The following PCDHA6 variants were observed in gnomAD, a reference collection of about 807,000 sequenced individuals.
PCDHA6 encodes protocadherin alpha-6.
In PCDHA6, 55 loss-of-function variants were observed where a neutral mutation model predicts 60.3. The ratio of observed to expected loss-of-function variants is 0.91; its 90% CI spans 0.73 to 1.14. The LOEUF is 1.14. Among genes scored for constraint, PCDHA6 ranks in the 50% most tolerant of loss-of-function variants. The probability of loss-of-function intolerance (pLI) is 0.00; values close to 1 mark genes in which losing one functional copy is unlikely to be tolerated. For synonymous variants in PCDHA6, 652 were observed against 557.9 expected (o/e 1.17, Z -2.38); for missense variants, 1,327 against 1,256.5 (o/e 1.06, Z -0.85).
At chr5:140,868,949 G>A (rs2050751465) in intron 1 of PCDHA6, 1 of 1,302,330 alleles carries the variant, frequency 7.7e-7, no homozygotes, top group Non-Finnish European at 1.0e-6. Context: ...GAACAGTGAG[G>A]CACTCCCATA....
chr5:140,968,057 C>G, intron 1 of PCDHA6: 1 of 1,614,110 alleles, frequency 6.2e-7, no homozygotes, highest in African/African-American at 1.3e-5. Flanking sequence ...GGACCGAGAG[C>G]GGGTGGCTGT....
chr5:140,996,630 A>G (rs765477034), intron 3 of PCDHA6, among the ~76,000 whole-genome samples: 10 of 152,210 alleles, frequency 6.6e-5, no homozygotes, highest in Non-Finnish European at 1.5e-4. Flanking sequence ...TGGTTCCTGC[A>G]AATTATGTAG....
At chr5:140,853,249 A>G in intron 1 of PCDHA6, 1 of 975,702 alleles carries the variant, frequency 1.0e-6, no homozygotes, top group Non-Finnish European at 1.2e-6. Flanking sequence ...ATTAATCTCT[A>G]TTCTCTCTCA....
intron 1 of PCDHA6, chr5:140,841,298 T>C (rs1554138068): frequency 6.4e-7 from 1 of 1,567,044 alleles, no homozygotes; most frequent in Admixed American, 2.0e-5. Flanking sequence ...GATAATATTT[T>C]CTGATAGGAA....
intron 1 of PCDHA6, among the ~76,000 whole-genome samples, chr5:140,965,255 G>C (rs1426270395): frequency 1.3e-5 from 2 of 152,196 alleles, no homozygotes; most frequent in Non-Finnish European, 2.9e-5. Context: ...ATTCAGAACT[G>C]AGCAGCAGAG....
Position 140,828,322 on chromosome 5 carries a change from A to T in PCDHA6, c.231A>T (p.Val77=). The change falls in exon 1 of 4, where the codon GTA becomes GTT. Residue 77 remains valine (V), a synonymous_variant. Coordinates refer to ENST00000529310, the MANE Select transcript of PCDHA6 (RefSeq NM_018909.4). ...ASKDREDLLE[V]NLQNGILFVN... is the part of the protein sequence containing the mutation. ...AAGACCGCGAGGACCTTCTGGAGGTAAATCTGCAGAATGGCATTTTGTTTG... is the reference window on the plus strand; with the variant it reads ...AAGACCGCGAGGACCTTCTGGAGGTTAATCTGCAGAATGGCATTTTGTTTG... The T allele has an allele frequency of 6.2e-7, 1 of 1,614,224 alleles. No homozygotes were observed. Among genetic ancestry groups the T allele is most frequent in the South Asian group, 1.1e-5 (1 of 91,084 alleles).
intron 1 of PCDHA6, chr5:140,848,587 T>C (rs2150413508): frequency 6.3e-7 from 1 of 1,594,838 alleles, no homozygotes; most frequent in Non-Finnish European, 8.6e-7. Flanking sequence ...AGCGGCCAGC[T>C]CCACTACTCC....
chr5:140,883,564 G>C, intron 1 of PCDHA6: 1 of 1,614,174 alleles, frequency 6.2e-7, no homozygotes, highest in Non-Finnish European at 8.5e-7. Context: ...ACGGGGGCTC[G>C]CCTTCGCTGT....
intron 3 of PCDHA6, among the ~76,000 whole-genome samples, chr5:140,985,765 A>G (rs2097169846): frequency 7.8e-6 from 1 of 128,516 alleles, no homozygotes; most frequent in African/African-American, 3.0e-5. Flanking sequence ...TTTTTGAGAC[A>G]GTCTCGCTCT....
chr5:140,958,677 G>C (rs917513084), intron 1 of PCDHA6, among the ~76,000 whole-genome samples: 3 of 152,090 alleles, frequency 2.0e-5, no homozygotes, highest in Non-Finnish European at 2.9e-5. Context: ...TAATTATAAA[G>C]GATATTGAAT....
At chr5:140,870,921 T>G (rs2052546739) in intron 1 of PCDHA6, 1 of 1,613,894 alleles carries the variant, frequency 6.2e-7, no homozygotes, top group South Asian at 1.1e-5. Flanking sequence ...ACGCGTGGCT[T>G]TCATATGAAT....
intron 1 of PCDHA6, among the ~76,000 whole-genome samples, chr5:140,944,386 T>C (rs1228891284): frequency 6.6e-6 from 1 of 152,054 alleles, no homozygotes; most frequent in Admixed American, 6.6e-5. Flanking sequence ...GGAGTCTCAC[T>C]GTGTTATCCA....
At chr5:140,872,425 G>A (rs1280008446) in intron 1 of PCDHA6, among the ~76,000 whole-genome samples, 3 of 151,980 alleles carry the variant, frequency 2.0e-5, no homozygotes, top group African/African-American at 7.3e-5. Flanking sequence ...CCAAGAGTTC[G>A]AGGCCTGCCT....
In PCDHA6 at chr5:140,845,401, T is replaced by C. The variant is rs1326186010; in HGVS notation, c.2394+14916T>C. On this transcript the variant is annotated intron_variant, in intron 1 of 3. Transcript: ENST00000529310. Reference sequence around the variant, plus strand: ...GGAGGATTCTTTCCACCACCTAGCATTGTATTTGGCAATTTATCATTTAAG... The same window carrying C: ...GGAGGATTCTTTCCACCACCTAGCACTGTATTTGGCAATTTATCATTTAAG... Among the ~76,000 whole-genome samples, 3 of 149,536 alleles carry C rather than the reference T, an allele frequency of 2.0e-5. 1 individual carries two copies. The highest frequency in any genetic ancestry group is 1.5e-5 in the Non-Finnish European group (1 of 66,828).
chr5:140,904,287 G>A (rs2071024041), intron 1 of PCDHA6, among the ~76,000 whole-genome samples: 1 of 151,908 alleles, frequency 6.6e-6, no homozygotes, highest in Non-Finnish European at 1.5e-5. Context: ...TGTGGTGTTT[G>A]GTTTTCCATT....
rs199714982 is a variant in PCDHA6, at chr5:140,967,252, G to T, written c.2395-11697G>T. On this transcript the variant is annotated intron_variant, in intron 1 of 3. Coordinates refer to ENST00000529310, the MANE Select transcript of PCDHA6 (RefSeq NM_018909.4). ...AGCTTCAGGTAAGCGAATCGGTGGC[G>T]CCTGGAGCGCGCTTTCACATAGAGA... 6.0e-5 allele frequency: 97 copies of T among 1,613,386 alleles called. 1 individual carries two copies. Among genetic ancestry groups the T allele is most frequent in the Non-Finnish European group, 8.0e-5 (94 of 1,179,870 alleles).
chr5:140,856,572 A>C (rs782165615), intron 1 of PCDHA6: 1 of 1,597,762 alleles, frequency 6.3e-7, no homozygotes, highest in East Asian at 2.2e-5. Flanking sequence ...AGTCCAAATG[A>C]GTATTTTGTT....
chr5:140,856,859 G>A, intron 1 of PCDHA6: 1 of 1,594,674 alleles, frequency 6.3e-7, no homozygotes, highest in African/African-American at 1.3e-5. Flanking sequence ...TTCGGATGAA[G>A]GAATAAACAA....
Position 140,928,606 on chromosome 5 carries a change from C to T in PCDHA6, c.2395-50343C>T, listed in dbSNP as rs782809256. ...TTCTGTCCCAGTGGAAATTGTGCCC[C>T]GCTCTGCCAGGACTGGACACTTGGT... On this transcript the variant is annotated intron_variant, in intron 1 of 3. Coordinates refer to ENST00000529310, the MANE Select transcript of PCDHA6 (RefSeq NM_018909.4). 7.4e-6 allele frequency: 12 copies of T among 1,614,204 alleles called. No homozygotes were observed. In the South Asian group the frequency reaches 1.2e-4, roughly 16 times the overall value.
Sources: allele counts gnomAD v4.1 joint callset (sites outside exome capture counted in the v4.1 genomes callset), GRCh38; gene constraint gnomAD v4.1.1; transcripts MANE v1.5; gene names NCBI Gene and HGNC (gene_info 2026-07-23, HGNC 2026-07-21).